Variants in HSD11B2 observed in about 807,000 individuals in gnomAD.
The protein encoded by HSD11B2 is hydroxysteroid 11-beta dehydrogenase 2.
Under a neutral mutation model 20.9 loss-of-function variants are expected in HSD11B2, and 17 were observed. The ratio of observed to expected loss-of-function variants is 0.81; its 90% CI spans 0.56 to 1.22. The LOEUF (loss-of-function observed/expected upper bound fraction) is 1.22, where lower values mean the gene tolerates loss of function less well. Ranked by LOEUF, HSD11B2 falls within the 50% of genes most tolerant of loss-of-function variation. HSD11B2 has a pLI of 0.00. For synonymous variants in HSD11B2, 253 were observed against 255.4 expected, an observed-to-expected ratio of 0.99 and a Z score of 0.09; for missense variants, 480 against 563.6, an observed-to-expected ratio of 0.85 and a Z score of 1.50.
chr16:67,435,933 C>T, intron 2 of HSD11B2, 24 bp from the exon 3 acceptor site: 3 of 1,614,138 alleles, frequency 1.9e-6, no homozygotes, highest in Non-Finnish European at 2.5e-6. Flanking sequence ...CCTAAGGCTT[C>T]CCTCCTCTGC....
upstream of HSD11B2, chr16:67,430,765 G>T (rs1209690491): frequency 6.6e-6 from 1 of 152,480 alleles, no homozygotes; most frequent in Admixed American, 6.5e-5. The surrounding 1 kb of genome is among the most constrained non-coding windows in gnomAD (Gnocchi z 5.4). Context: ...GTGTCCTCAG[G>T]TGTCCCGAAC....
At chr16:67,433,940 G>A (rs72650114) in intron 1 of HSD11B2, among the ~76,000 whole-genome samples, 45 of 151,934 alleles carry the variant, frequency 3.0e-4, no homozygotes, top group African/African-American at 1.1e-3. Context: ...AGGGCCAGGG[G>A]TGGGAGCAGG....
In HSD11B2 at chr16:67,431,389, G is replaced by A; in HGVS notation, c.141G>A (p.Leu47=). 2 of 1,267,710 alleles carry A rather than the reference G, an allele frequency of 1.6e-6. No individual in the cohort carries two copies. Among genetic ancestry groups the A allele is most frequent in the Admixed American group, 3.6e-5 (1 of 27,438 alleles). 78.5% of individuals were successfully genotyped at this position (1,267,710 alleles called of 1,614,324 possible). The change falls in exon 1 of 5, where the codon CTG becomes CTA. Residue 47 remains leucine, a synonymous_variant. Transcript: ENST00000326152. The part of the protein sequence containing the change: ...ALALLAALDW[L]CQRLLPPPAA... The stretch of plus-strand genomic sequence containing the variant: ...CGCTGCTGGCCGCGCTCGACTGGCT[G>A]TGCCAGCGCCTGCTGCCCCCGCCGG...
intron 1 of HSD11B2, among the ~76,000 whole-genome samples, chr16:67,433,687 T>TACACACACACACACAC (rs759945497): frequency 2.2e-5 from 3 of 133,934 alleles, no homozygotes; most frequent in East Asian, 4.2e-4. Flanking sequence ...TGTGTGTGTC[T>TACACACACACACACAC]ACACACACAC....
At chr16:67,435,168 AC>A (rs2040960329) in intron 1 of HSD11B2, among the ~76,000 whole-genome samples, 1 of 147,540 alleles carries the variant, frequency 6.8e-6, no homozygotes, top group Admixed American at 6.9e-5. Flanking sequence ...ATGCCACTGC[AC>A]TCCAGCCTGG....
In HSD11B2 at chr16:67,437,022, C is replaced by G. The variant is rs1448240993; in HGVS notation, c.*19C>G. On this transcript the variant is annotated 3_prime_UTR_variant, in exon 5 of 5. Transcript: ENST00000326152. ...TCGGTGAGCCATGTGCACCTATGGC[C>G]CAGCCACTGCAGCACAGGAGGCTCC... 6.2e-7 allele frequency: 1 copy of G among 1,604,384 alleles called. No individual in the cohort carries two copies. Among genetic ancestry groups the G allele is most frequent in the South Asian group, 1.1e-5 (1 of 91,010 alleles).
Position 67,434,009 on chromosome 16 carries a change from T to C in HSD11B2, c.266-1619T>C, listed in dbSNP as rs72650115. On this transcript the variant is annotated intron_variant, in intron 1 of 4. Coordinates refer to ENST00000326152, the MANE Select transcript of HSD11B2 (RefSeq NM_000196.4). ...TTCCCCTTCCCTCACTGGCTGCCCA[T>C]GGAGCCAGGATCAGCATGGGAACAA... Among the ~76,000 whole-genome samples the C allele has an allele frequency of 5.3e-3, 809 of 152,246 alleles. 4 individuals are homozygous for C. The highest frequency in any genetic ancestry group is 9.3e-3 in the Non-Finnish European group (630 of 68,014).
At chr16:67,434,537 A>G (rs1002637010) in intron 1 of HSD11B2, among the ~76,000 whole-genome samples, 1 of 152,234 alleles carries the variant, frequency 6.6e-6, no homozygotes, top group Admixed American at 6.5e-5. Context: ...ACAGGACTAC[A>G]GAAGGGGCTG....
chr16:67,435,929 G>C (rs1257522335), intron 2 of HSD11B2, 28 bp from the exon 3 acceptor site: 5 of 1,614,100 alleles, frequency 3.1e-6, no homozygotes, highest in Admixed American at 3.3e-5. Flanking sequence ...CTGACCTAAG[G>C]CTTCCCTCCT....
In HSD11B2 at chr16:67,436,949, C is replaced by A. The variant is rs45578842; in HGVS notation, c.1164C>A (p.Asp388Glu). The change falls in exon 5 of 5, where the codon GAC (aspartate) becomes GAA (glutamate). Residue 388 changes from aspartate (D) to glutamate (E), a missense_variant. Coordinates refer to ENST00000326152, the MANE Select transcript of HSD11B2 (RefSeq NM_000196.4). This position sits in a 1 kb window ranked among gnomAD's most constrained non-coding sequence, Gnocchi z 5.7. ...AGCCTGGCACTACCCCACCACAGGA[C>A]GCAGCCCAGGACCCAAACCTGAGCC... ...PGQPGTTPPQ[D>E]AAQDPNLSPG... 5 of 1,611,850 alleles carry A rather than the reference C, an allele frequency of 3.1e-6. No individual in the cohort carries two copies. The highest frequency in any genetic ancestry group is 4.2e-6 in the Non-Finnish European group (5 of 1,180,022).
intron 1 of HSD11B2, 152 bp downstream of exon 1, chr16:67,431,665 A>C (rs1290366818): frequency 3.5e-6 from 3 of 845,494 alleles, no homozygotes; most frequent in Non-Finnish European, 4.6e-6. Context: ...GAGCGAGCCA[A>C]ATAGGGAGCG....
At chr16:67,432,120 C>G (rs2040937760) in intron 1 of HSD11B2, among the ~76,000 whole-genome samples, 1 of 152,072 alleles carries the variant, frequency 6.6e-6, no homozygotes, top group Non-Finnish European at 1.5e-5. Context: ...ACACCCAGCA[C>G]CCCACCCCCA....
At chr16:67,435,209 A>C (rs1306544690) in intron 1 of HSD11B2, among the ~76,000 whole-genome samples, 1 of 151,470 alleles carries the variant, frequency 6.6e-6, no homozygotes, top group Non-Finnish European at 1.5e-5. Context: ...TCTCAAAAAA[A>C]AAAAAAAAAA....
chr16:67,431,213 C>CCCCCG lies in HSD11B2; in HGVS notation c.-21_-17dup, dbSNP rs1017675653. ...TCTCTCTCCCCGCTCCCCGGCCCGG[C>CCCCCG]CCCCGCCCCGCCCCGCCCCAGCCCG... On this transcript the variant is annotated 5_prime_UTR_variant, in exon 1 of 5. Transcript: ENST00000326152. The CCCCCG allele has an allele frequency of 5.2e-5, 59 of 1,131,518 alleles. No homozygotes were observed. The highest frequency in any genetic ancestry group is 7.4e-4 in the Middle Eastern group (2 of 2,700). The allele number at this position is 1,131,518 out of a possible 1,614,324, so 70.1% of individuals were successfully genotyped here.
intron 1 of HSD11B2, among the ~76,000 whole-genome samples, chr16:67,433,476 T>C (rs2040947169): frequency 6.6e-6 from 1 of 151,944 alleles, no homozygotes. Context: ...ATTGAGCCCG[T>C]TGTGAGAACA....
At chr16:67,435,104 C>T (rs964765994) in intron 1 of HSD11B2, among the ~76,000 whole-genome samples, 20 of 146,448 alleles carry the variant, frequency 1.4e-4, no homozygotes, top group Admixed American at 2.7e-4. Context: ...CTCAGGAGAC[C>T]GAGGAGGAAG....
In HSD11B2 at chr16:67,435,870, C is replaced by T. The variant is rs375034813; in HGVS notation, c.478+30C>T. On this transcript the variant is annotated intron_variant, in intron 2 of 4. Transcript: ENST00000326152. ...GTGGCAAGTGTCCACCAGGCAAGGG[C>T]GTGGCAGGGGAGTGGGAAGGACACG... The T allele has an allele frequency of 1.2e-4, 188 of 1,613,420 alleles. 1 individual carries two copies. The highest frequency in any genetic ancestry group is 3.3e-4 in the African/African-American group (25 of 74,924).
In HSD11B2 at chr16:67,436,143, G is replaced by C; in HGVS notation, c.664+1G>C. The C allele has an allele frequency of 6.2e-7, 1 of 1,613,712 alleles. No individual in the cohort carries two copies. Among genetic ancestry groups the C allele is most frequent in the Non-Finnish European group, 8.5e-7 (1 of 1,179,906 alleles). On this transcript the variant is annotated splice_donor_variant, in intron 3 of 4. Transcript: ENST00000326152. LOFTEE classifies it high-confidence loss of function. The surrounding 1 kb of genome is among the most constrained non-coding windows in gnomAD (Gnocchi z 5.7). ...ATCGTGACTGTGGGGAGCCCAGCGG[G>C]TGAGTGCCCCCCCCCACTGGAGCAA...
rs868155409 is a variant in HSD11B2, at chr16:67,436,473, C to T, written c.802+87C>T. Reference sequence around the variant, plus strand: ...GGGCAGGTCAGGTTTGATGAATGGTCATGGTTTTGGTTGGGGGTGTAGTTT... The same window carrying T: ...GGGCAGGTCAGGTTTGATGAATGGTTATGGTTTTGGTTGGGGGTGTAGTTT... On this transcript the variant is annotated intron_variant, in intron 4 of 4. Coordinates refer to ENST00000326152, the MANE Select transcript of HSD11B2 (RefSeq NM_000196.4). This position sits in a 1 kb window ranked among gnomAD's most constrained non-coding sequence, Gnocchi z 5.7. The T allele has an allele frequency of 1.0e-5, 16 of 1,536,450 alleles. No homozygotes were observed. In the Middle Eastern group the frequency reaches 7.6e-4, roughly 73 times the overall value.
Sources: allele counts gnomAD v4.1 joint callset (sites outside exome capture counted in the v4.1 genomes callset), GRCh38; gene constraint gnomAD v4.1.1; non-coding constraint Gnocchi (gnomAD v3.1); transcripts MANE v1.5; gene names NCBI Gene and HGNC (gene_info 2026-07-23, HGNC 2026-07-21).